The following SMYD3 variants were observed in gnomAD, a reference collection of about 807,000 sequenced individuals.
SMYD3 encodes the protein histone-lysine N-methyltransferase SMYD3.
In SMYD3, 36 loss-of-function variants were observed where a neutral mutation model predicts 57.7. That is an observed-to-expected ratio of 0.62 (90% confidence interval 0.48 to 0.82). SMYD3 has a LOEUF of 0.82. Among genes scored for constraint, SMYD3 ranks in the 40% least tolerant of loss-of-function variants. The probability of loss-of-function intolerance (pLI) is 0.00; values close to 1 mark genes in which losing one functional copy is unlikely to be tolerated. For synonymous variants in SMYD3, 211 were observed against 195.0 expected (o/e 1.08, Z -0.68); for missense variants, 515 against 538.8 (o/e 0.96, Z 0.44).
At chr1:245,950,487 C>G (rs947193289) in intron 5 of SMYD3, among the ~76,000 whole-genome samples, 4 of 152,188 alleles carry the variant, frequency 2.6e-5, no homozygotes, top group African/African-American at 9.7e-5. Context: ...AGGCCCTGAA[C>G]GTCTGACCAC....
intron 5 of SMYD3, among the ~76,000 whole-genome samples, chr1:245,998,256 T>G (rs2148138228): frequency 6.6e-6 from 1 of 152,298 alleles, no homozygotes; most frequent in East Asian, 1.9e-4. Flanking sequence ...GGAATGGAGA[T>G]CTTTAACCCT....
chr1:245,963,461 A>G (rs1175378060), intron 5 of SMYD3, among the ~76,000 whole-genome samples: 1 of 152,104 alleles, frequency 6.6e-6, no homozygotes, highest in African/African-American at 2.4e-5. Context: ...GGGGTCTAGA[A>G]TGAACAACTC....
chr1:245,778,882 T>C (rs2046716621), intron 10 of SMYD3, among the ~76,000 whole-genome samples: 1 of 152,060 alleles, frequency 6.6e-6, no homozygotes. Flanking sequence ...AATGGAGGCC[T>C]GGCGTGGTGG....
intron 7 of SMYD3, among the ~76,000 whole-genome samples, chr1:245,920,109 T>A (rs4654070): frequency 4.8e-4 from 73 of 151,994 alleles, no homozygotes; most frequent in African/African-American, 1.7e-3. Flanking sequence ...GTCAGGAGAT[T>A]GAGACCATCC....
At chr1:245,875,489 T>G (rs551328993) in intron 8 of SMYD3, among the ~76,000 whole-genome samples, 1 of 152,312 alleles carries the variant, frequency 6.6e-6, no homozygotes, top group South Asian at 2.1e-4. Flanking sequence ...CATCTTCCAT[T>G]AGAACCTGGC....
chr1:246,117,174 G>A (rs1390081394), intron 5 of SMYD3, among the ~76,000 whole-genome samples: 6 of 152,268 alleles, frequency 3.9e-5, no homozygotes, highest in African/African-American at 7.2e-5. Flanking sequence ...TATCCACTTC[G>A]CAGTATCTGT....
intron 10 of SMYD3, among the ~76,000 whole-genome samples, chr1:245,778,957 C>T (rs1387212279): frequency 1.3e-5 from 2 of 151,904 alleles, no homozygotes; most frequent in Non-Finnish European, 2.9e-5. Flanking sequence ...GCCAGGAGTT[C>T]GAGACCAGCC....
chr1:246,014,706 C>G (rs2059346901), intron 5 of SMYD3, among the ~76,000 whole-genome samples: 1 of 152,072 alleles, frequency 6.6e-6, no homozygotes, highest in East Asian at 1.9e-4. Flanking sequence ...TTAAAATACC[C>G]AGGAAGGTAC....
chr1:245,812,982 G>A (rs1286005794), intron 10 of SMYD3, among the ~76,000 whole-genome samples: 2 of 150,336 alleles, frequency 1.3e-5, no homozygotes, highest in East Asian at 2.0e-4. Flanking sequence ...GGAAGGCATG[G>A]AGCCATGGTC....
At chr1:246,352,701 A>G (rs2065850625) in intron 2 of SMYD3, among the ~76,000 whole-genome samples, 1 of 152,216 alleles carries the variant, frequency 6.6e-6, no homozygotes, top group Non-Finnish European at 1.5e-5. Context: ...AAACACATGC[A>G]CTACAGGTAA....
chr1:245,855,889 A>G (rs1041174396), intron 10 of SMYD3, among the ~76,000 whole-genome samples: 14 of 152,236 alleles, frequency 9.2e-5, no homozygotes, highest in Admixed American at 2.0e-4. Context: ...TGTTGCAAAC[A>G]ATATATTAAC....
At chr1:246,177,137 A>G (rs1376083417) in intron 5 of SMYD3, among the ~76,000 whole-genome samples, 1 of 152,214 alleles carries the variant, frequency 6.6e-6, no homozygotes, top group African/African-American at 2.4e-5. Flanking sequence ...ACCTATTCAT[A>G]ATATTAAGAA....
chr1:246,127,529 T>C (rs2061526828), intron 5 of SMYD3, among the ~76,000 whole-genome samples: 1 of 152,206 alleles, frequency 6.6e-6, no homozygotes, highest in Admixed American at 6.5e-5. Flanking sequence ...TCTATTTCTG[T>C]TGTCTGTAAG....
intron 1 of SMYD3, among the ~76,000 whole-genome samples, chr1:246,379,725 T>C (rs1279069608): frequency 4.6e-5 from 7 of 152,096 alleles, no homozygotes; most frequent in Admixed American, 2.6e-4. Context: ...AAAGGCCGGG[T>C]ATGGTGGCTC....
chr1:246,312,249 A>G (rs1017556994), intron 5 of SMYD3, among the ~76,000 whole-genome samples: 1 of 152,168 alleles, frequency 6.6e-6, no homozygotes, highest in Non-Finnish European at 1.5e-5. Context: ...GAATCAACAG[A>G]CATCTTTTTG....
rs1293531484 is a variant in SMYD3 at position 246,355,953 on chromosome 1, G to A, written c.165-859C>T. Among the ~76,000 whole-genome samples, 1 of 152,154 alleles carries A rather than the reference G, an allele frequency of 6.6e-6. No homozygotes were observed. Among genetic ancestry groups the A allele is most frequent in the Non-Finnish European group, 1.5e-5 (1 of 68,028 alleles). The stretch of plus-strand genomic sequence containing the variant: ...CTGAATAGGTAACCAGGCGACCTTA[G>A]GGCAAGTTTGCTTCCTCCCTGTAGG... On this transcript the variant is annotated intron_variant, in intron 1 of 11. Coordinates refer to ENST00000490107, the MANE Select transcript of SMYD3 (RefSeq NM_001167740.2). The surrounding 1 kb of genome is among the most constrained non-coding windows in gnomAD (Gnocchi z 5.0).
At chr1:245,785,082 G>A (rs1029788671) in intron 10 of SMYD3, among the ~76,000 whole-genome samples, 7 of 151,130 alleles carry the variant, frequency 4.6e-5, no homozygotes, top group Non-Finnish European at 1.0e-4. Flanking sequence ...AGGTTGGATC[G>A]GGTGGATCAC....
At chr1:245,773,381 T>A (rs890292844) in intron 10 of SMYD3, among the ~76,000 whole-genome samples, 10 of 152,350 alleles carry the variant, frequency 6.6e-5, no homozygotes, top group African/African-American at 1.9e-4. Flanking sequence ...ACTGAGAAAC[T>A]CTTGCCTATA....
chr1:246,344,190 G>T (rs1182004996), intron 2 of SMYD3, among the ~76,000 whole-genome samples: 1 of 152,010 alleles, frequency 6.6e-6, no homozygotes, highest in Admixed American at 6.6e-5. Context: ...GCTTTGATAA[G>T]TTATGACACA....
Sources: gnomAD v4.1 joint callset for allele counts (sites outside exome capture counted in the v4.1 genomes callset) on GRCh38, gnomAD v4.1.1 for gene constraint, Gnocchi (gnomAD v3.1) non-coding constraint, MANE v1.5 for transcripts, NCBI Gene and HGNC (gene_info 2026-07-23, HGNC 2026-07-21) for gene names.